The following VCL variants were observed in gnomAD, a reference collection of about 807,000 sequenced individuals.
The protein encoded by VCL is vinculin.
A neutral mutation model predicts 125.7 loss-of-function variants in VCL; 47 were observed. The observed-to-expected ratio is 0.37, with a 90% CI of 0.30 to 0.48. The LOEUF (loss-of-function observed/expected upper bound fraction) is 0.48, where lower values mean the gene tolerates loss of function less well. Ranked by LOEUF, VCL falls within the 20% of genes least tolerant of loss-of-function variation. VCL has a pLI of 0.99. For synonymous variants in VCL, 458 were observed against 514.6 expected (o/e 0.89, Z 1.49); for missense variants, 1,069 against 1,455.5 (o/e 0.73, Z 4.32).
In VCL at chr10:74,072,787, A is replaced by G; in HGVS notation, c.557A>G (p.Glu186Gly). The G allele has an allele frequency of 6.2e-7, 1 of 1,614,140 alleles. No individual in the cohort carries two copies. Among genetic ancestry groups the G allele is most frequent in the Non-Finnish European group, 8.5e-7 (1 of 1,180,010 alleles). ...AGACAGCAGGAGCTCACTCACCAGGAGCACCGAGTGATGTTGGTGAACTCG... is the reference window on the plus strand; with the variant it reads ...AGACAGCAGGAGCTCACTCACCAGGGGCACCGAGTGATGTTGGTGAACTCG... ...DERQQELTHQ[E>G]HRVMLVNSMN... Residue 186 changes from glutamate (E) to glycine (G), a missense_variant, in exon 5 of 22, where the codon GAG (glutamate) becomes GGG (glycine). Coordinates refer to ENST00000211998, the MANE Select transcript of VCL (RefSeq NM_014000.3).
intron 14 of VCL, among the ~76,000 whole-genome samples, chr10:74,102,920 G>A (rs1274865304): frequency 1.3e-5 from 2 of 151,776 alleles, no homozygotes; most frequent in Non-Finnish European, 2.9e-5. Context: ...AGGCTGGAGT[G>A]CAGTGGCATG....
chr10:74,025,012 C>T (rs1005264434), intron 1 of VCL, among the ~76,000 whole-genome samples: 4 of 152,108 alleles, frequency 2.6e-5, no homozygotes, highest in East Asian at 1.9e-4. Flanking sequence ...ATCCCACTCT[C>T]ATTTTATTTT....
chr10:74,073,087 C>T (rs1034141107), intron 5 of VCL, among the ~76,000 whole-genome samples: 2 of 151,902 alleles, frequency 1.3e-5, no homozygotes, highest in African/African-American at 4.8e-5. Flanking sequence ...ACTACAGGTG[C>T]GCACTGCCAT....
In VCL at chr10:74,087,358, T is replaced by G. The variant is rs186352082; in HGVS notation, c.1023-1838T>G. Reference sequence around the variant, plus strand: ...GTTTTTCTTTTTTTTTTTTTTTTCTTTTTTTGAGACGGAGTCTCGCTCTGT... The same window carrying G: ...GTTTTTCTTTTTTTTTTTTTTTTCTGTTTTTGAGACGGAGTCTCGCTCTGT... On this transcript the variant is annotated intron_variant, in intron 8 of 21. Coordinates refer to ENST00000211998, the MANE Select transcript of VCL (RefSeq NM_014000.3). Among the ~76,000 whole-genome samples, 3 of 141,088 alleles carry G rather than the reference T, an allele frequency of 2.1e-5. No homozygotes were observed. In the East Asian group the frequency reaches 6.2e-4, roughly 29 times the overall value. The allele number at this position is 141,088 out of a possible 152,430, so 92.6% of individuals were successfully genotyped here. A position where few individuals can be genotyped will look rare whatever the true frequency, so the allele number is the denominator to read the frequency against.
chr10:74,112,056 C>T lies in VCL; in HGVS notation c.2893C>T (p.Pro965Ser), dbSNP rs749236817. The T allele has an allele frequency of 1.7e-5, 28 of 1,614,082 alleles. No homozygotes were observed. Among genetic ancestry groups the T allele is most frequent in the Non-Finnish European group, 2.2e-5 (26 of 1,180,048 alleles). The change falls in exon 19 of 22, where the codon CCC (proline) becomes TCC (serine). Residue 965 changes from proline (P) to serine (S), a missense_variant. Physicochemically the swap from Pro to Ser is moderately conservative, Grantham distance 74. Transcript: ENST00000211998. ...GCCATCCAATCAGCCGGTCAACCAG[C>T]CCATTCTGGCCGCGGCTCAGTCCTT... ...LMPSNQPVNQ[P>S]ILAAAQSLHR...
Position 74,112,023 on chromosome 10 carries a change from CTGT to C in VCL, c.2862_2864del (p.Leu955del), listed in dbSNP as rs397517237. 2.1e-4 allele frequency: 339 copies of C among 1,614,238 alleles called. No individual in the cohort carries two copies. In the African/African-American group the frequency reaches 4.1e-3, roughly 20 times the overall value. The stretch of plus-strand genomic sequence containing the variant: ...GGAAGACGATTACGAACCTGAGCTG[CTGT>C]TAATGCCATCCAATCAGCCGGTCAA... On this transcript the variant is annotated inframe_deletion, in exon 19 of 22. Transcript: ENST00000211998.
intron 2 of VCL, among the ~76,000 whole-genome samples, chr10:74,055,921 T>A (rs1841382593): frequency 6.6e-6 from 1 of 152,174 alleles, no homozygotes; most frequent in African/African-American, 2.4e-5. Context: ...GACTGGTTAT[T>A]CAGGTTTTAA....
intron 2 of VCL, among the ~76,000 whole-genome samples, chr10:74,057,653 C>T (rs1318451528): frequency 6.6e-6 from 1 of 152,146 alleles, no homozygotes; most frequent in Non-Finnish European, 1.5e-5. Flanking sequence ...TTGTTCATGG[C>T]CAGGTGTGGT....
intron 1 of VCL, among the ~76,000 whole-genome samples, chr10:74,040,205 T>G (rs764923238): frequency 1.4e-4 from 22 of 152,252 alleles, no homozygotes; most frequent in Non-Finnish European, 2.4e-4. Flanking sequence ...TACTTGTTTA[T>G]TTACTTGACT....
chr10:74,047,842 G>A (rs1377724348), intron 2 of VCL, among the ~76,000 whole-genome samples: 1 of 152,164 alleles, frequency 6.6e-6, no homozygotes, highest in African/African-American at 2.4e-5. Context: ...CATTTAAAAT[G>A]ATACAATTGT....
intron 1 of VCL, among the ~76,000 whole-genome samples, chr10:74,003,032 CTT>C (rs1840259001): frequency 6.6e-6 from 1 of 151,558 alleles, no homozygotes; most frequent in African/African-American, 2.4e-5. Flanking sequence ...TGGGTCATCA[CTT>C]TTACTCCACA....
At chr10:74,022,755 G>C (rs1840697412) in intron 1 of VCL, among the ~76,000 whole-genome samples, 1 of 151,272 alleles carries the variant, frequency 6.6e-6, no homozygotes, top group Admixed American at 6.6e-5. Context: ...TCCTGCCTCA[G>C]CCTCCCTAGT....
chr10:74,038,394 A>G (rs1032020384), intron 1 of VCL, among the ~76,000 whole-genome samples: 1 of 152,186 alleles, frequency 6.6e-6, no homozygotes, highest in African/African-American at 2.4e-5. Flanking sequence ...TCATAAAAGA[A>G]AATTATTTGG....
intron 1 of VCL, among the ~76,000 whole-genome samples, chr10:74,014,288 A>G (rs757753528): frequency 1.3e-5 from 2 of 150,912 alleles, no homozygotes; most frequent in Non-Finnish European, 3.0e-5. Context: ...CTGGAGTGCA[A>G]TGGCTCAATC....
chr10:74,114,430 T>C lies in VCL; in HGVS notation c.3153+43T>C, dbSNP rs758235370. On this transcript the variant is annotated intron_variant, in intron 20 of 21. Coordinates refer to ENST00000211998, the MANE Select transcript of VCL (RefSeq NM_014000.3). ...CTGCGTGTGTGTGTGTGTGTGTGTGTGTGTGTGCGTGTGTGTGTGTGTTGG... is the reference window on the plus strand; with the variant it reads ...CTGCGTGTGTGTGTGTGTGTGTGTGCGTGTGTGCGTGTGTGTGTGTGTTGG... The C allele has an allele frequency of 5.4e-3, 8,063 of 1,486,750 alleles. 8 individuals carry two copies. Among genetic ancestry groups the C allele is most frequent in the Non-Finnish European group, 6.3e-3 (6,845 of 1,092,406 alleles). The allele number at this position is 1,486,750 out of a possible 1,614,324, so 92.1% of individuals were successfully genotyped here.
chr10:74,029,287 G>A (rs1840829888), intron 1 of VCL, among the ~76,000 whole-genome samples: 5 of 151,494 alleles, frequency 3.3e-5, no homozygotes, highest in Admixed American at 3.3e-4. Context: ...CTAATTTTTT[G>A]TATTTTTAGT....
chr10:74,029,880 A>C (rs951526524), intron 1 of VCL, among the ~76,000 whole-genome samples: 6 of 152,236 alleles, frequency 3.9e-5, no homozygotes, highest in Non-Finnish European at 8.8e-5. Flanking sequence ...TGGAAAAAGT[A>C]TAGAAAAGGA....
intron 1 of VCL, among the ~76,000 whole-genome samples, chr10:74,012,255 G>A (rs1291218222): frequency 6.6e-6 from 1 of 152,248 alleles, no homozygotes; most frequent in East Asian, 1.9e-4. Flanking sequence ...AAATAGATAA[G>A]GGTATATGAA....
intron 1 of VCL, among the ~76,000 whole-genome samples, chr10:74,007,003 C>T (rs1020520720): frequency 6.6e-6 from 1 of 152,068 alleles, no homozygotes; most frequent in Non-Finnish European, 1.5e-5. Flanking sequence ...TCTTGCTCTG[C>T]TGCTCAGGCT....
Sources: gnomAD v4.1 joint callset for allele counts (sites outside exome capture counted in the v4.1 genomes callset) on GRCh38, gnomAD v4.1.1 for gene constraint, MANE v1.5 for transcripts, NCBI Gene and HGNC (gene_info 2026-07-23, HGNC 2026-07-21) for gene names.